CREM: variants seen among roughly 807,000 people sequenced by gnomAD.
CREM encodes the protein cAMP responsive element modulator, also known as cAMP-responsive element modulator.
In CREM, 13 loss-of-function variants were observed where a neutral mutation model predicts 37.3. The ratio of observed to expected loss-of-function variants is 0.35; its 90% CI spans 0.23 to 0.55. The LOEUF is 0.55. CREM is among the 20% of genes least tolerant of loss of function. CREM has a pLI of 0.88. For missense variants in CREM, 296 were observed against 362.3 expected (o/e 0.82, Z 1.49); for synonymous variants, 124 against 120.2 (o/e 1.03, Z -0.21).
At chr10:35,171,542 A>G (rs902409354) in intron 3 of CREM, among the ~76,000 whole-genome samples, 1 of 152,192 alleles carries the variant, frequency 6.6e-6, no homozygotes, top group African/African-American at 2.4e-5. Flanking sequence ...GTAAAGGATG[A>G]TTTATGCCTA....
At chr10:35,145,296 C>T (rs1159684446) in intron 2 of CREM, among the ~76,000 whole-genome samples, 11 of 152,030 alleles carry the variant, frequency 7.2e-5, no homozygotes, top group Non-Finnish European at 2.9e-5. Context: ...AGATTTTCTA[C>T]TCCAATCACC....
chr10:35,153,046 C>T (rs1378846101), intron 3 of CREM, among the ~76,000 whole-genome samples: 2 of 151,764 alleles, frequency 1.3e-5, no homozygotes, highest in African/African-American at 4.8e-5. Context: ...TCAAGACCAG[C>T]TTGAGAGCTT....
intron 1 of CREM, among the ~76,000 whole-genome samples, chr10:35,132,699 G>A (rs556423485): frequency 6.6e-6 from 1 of 152,220 alleles, no homozygotes; most frequent in South Asian, 2.1e-4. Context: ...TAATTTCATG[G>A]TACTGCTTTC....
intron 2 of CREM, among the ~76,000 whole-genome samples, chr10:35,143,189 T>TCGAGCTCCTACC (rs2091665058): frequency 6.6e-6 from 1 of 151,844 alleles, no homozygotes; most frequent in African/African-American, 2.4e-5. Context: ...CAGGCTGGTC[T>TCGAGCTCCTACC]TTAACTCTTG....
At chr10:35,209,502 C>G in intron 7 of CREM, 1 of 272,760 alleles carries the variant, frequency 3.7e-6, no homozygotes. Context: ...CATTTTGACT[C>G]TAGTAATATG....
chr10:35,142,209 T>C (rs2091528073), intron 2 of CREM, among the ~76,000 whole-genome samples: 1 of 152,198 alleles, frequency 6.6e-6, no homozygotes, highest in Non-Finnish European at 1.5e-5. Flanking sequence ...TGTGGCTATG[T>C]GTATAAGTTG....
intron 6 of CREM, among the ~76,000 whole-genome samples, chr10:35,188,888 C>T (rs1047382159): frequency 6.6e-6 from 1 of 152,014 alleles, no homozygotes; most frequent in African/African-American, 2.4e-5. Flanking sequence ...AAACTCCTGA[C>T]CTCAGATGGA....
intron 5 of CREM, among the ~76,000 whole-genome samples, chr10:35,187,077 TATATATA>T (rs1304812445): frequency 5.4e-4 from 29 of 54,188 alleles, no homozygotes; most frequent in Admixed American, 6.7e-4. Flanking sequence ...AATATAATAA[TATATATA>T]ATATATAATA....
At chr10:35,145,776 CAAAAAAAAAAAAA>C (rs370248344) in intron 2 of CREM, among the ~76,000 whole-genome samples, 2 of 85,236 alleles carry the variant, frequency 2.3e-5, no homozygotes, top group Non-Finnish European at 2.0e-5. Context: ...GACTCTGCCT[CAAAAAAAAAAAAA>C]AAAAAAAAAA....
In CREM at chr10:35,194,899, G is replaced by A. The variant is rs545629404; in HGVS notation, c.598+6511G>A. ...TCATGTAACTTTTAATGCTAAAAGAGACATTATTATTATTATTATTATTAT... is the reference window on the plus strand; with the variant it reads ...TCATGTAACTTTTAATGCTAAAAGAAACATTATTATTATTATTATTATTAT... On this transcript the variant is annotated intron_variant, in intron 6 of 7. Transcript: ENST00000685392. 6.5e-3 allele frequency among the ~76,000 whole-genome samples: 919 copies of A among 140,916 alleles called. 11 individuals carry two copies. Among genetic ancestry groups the A allele is most frequent in the African/African-American group, 0.024 (862 of 36,098 alleles). The allele number at this position is 140,916 out of a possible 152,430, so 92.4% of individuals were successfully genotyped here.
At chr10:35,147,886 A>G (rs1040018305) in intron 2 of CREM, among the ~76,000 whole-genome samples, 11 of 152,346 alleles carry the variant, frequency 7.2e-5, no homozygotes, top group African/African-American at 2.2e-4. Flanking sequence ...GGACTCTACT[A>G]TTGAACCTGT....
intron 3 of CREM, among the ~76,000 whole-genome samples, chr10:35,170,033 G>A (rs566507689): frequency 2.1e-4 from 31 of 146,634 alleles, no homozygotes; most frequent in African/African-American, 6.5e-4. Context: ...CATGATCTTC[G>A]CTCACTGCAA....
intron 2 of CREM, among the ~76,000 whole-genome samples, chr10:35,141,850 G>T (rs779906295): frequency 6.6e-6 from 1 of 152,204 alleles, no homozygotes; most frequent in Non-Finnish European, 1.5e-5. Flanking sequence ...ATTGTCAGGG[G>T]AGCTTGTGGA....
At chr10:35,141,407 A>G (rs2091409175) in intron 2 of CREM, among the ~76,000 whole-genome samples, 1 of 152,210 alleles carries the variant, frequency 6.6e-6, no homozygotes, top group African/African-American at 2.4e-5. Context: ...GGCTGTGGAA[A>G]GGTAGAGAAG....
chr10:35,145,047 G>A (rs1036210149), intron 2 of CREM, among the ~76,000 whole-genome samples: 1 of 150,590 alleles, frequency 6.6e-6, no homozygotes, highest in Non-Finnish European at 1.5e-5. Context: ...TGTAATCCCA[G>A]ATACTTGAGA....
At chr10:35,160,486 A>G (rs1382222275) in intron 3 of CREM, among the ~76,000 whole-genome samples, 1 of 152,004 alleles carries the variant, frequency 6.6e-6, no homozygotes, top group Non-Finnish European at 1.5e-5. Context: ...GCAGCCTCAA[A>G]CTCCTGGGCT....
chr10:35,142,126 CA>C (rs1469855473), intron 2 of CREM, among the ~76,000 whole-genome samples: 2 of 152,056 alleles, frequency 1.3e-5, no homozygotes, highest in East Asian at 3.9e-4. Context: ...GCAATTCTTT[CA>C]AATATTTCAG....
intron 2 of CREM, among the ~76,000 whole-genome samples, chr10:35,147,098 T>C (rs1484907533): frequency 6.9e-6 from 1 of 145,248 alleles, no homozygotes; most frequent in Non-Finnish European, 1.5e-5. Flanking sequence ...TCGCCCAGGC[T>C]GGAGTCCACT....
intron 6 of CREM, among the ~76,000 whole-genome samples, chr10:35,197,749 G>A (rs545230337): frequency 1.2e-4 from 18 of 152,282 alleles, no homozygotes; most frequent in Middle Eastern, 3.4e-3. Context: ...GAGCCACCGC[G>A]CTCGGCCTCA....
Sources: allele counts gnomAD v4.1 joint callset (sites outside exome capture counted in the v4.1 genomes callset), GRCh38; gene constraint gnomAD v4.1.1; transcripts MANE v1.5; gene names NCBI Gene and HGNC (gene_info 2026-07-23, HGNC 2026-07-21).